Variants in CDK14 observed in about 807,000 individuals in gnomAD.
CDK14 encodes the protein cyclin-dependent kinase 14.
A neutral mutation model predicts 60.7 loss-of-function variants in CDK14; 34 were observed. That is an observed-to-expected ratio of 0.56 (90% CI 0.43 to 0.75). The LOEUF is 0.75. Ranked by LOEUF, CDK14 falls within the 30% of genes least tolerant of loss-of-function variation. The probability of loss-of-function intolerance (pLI) is 0.00; values close to 1 mark genes in which losing one functional copy is unlikely to be tolerated. For synonymous variants in CDK14, 197 were observed against 203.7 expected (o/e 0.97, Z 0.28); for missense variants, 482 against 564.1 (o/e 0.85, Z 1.47).
intron 5 of CDK14, among the ~76,000 whole-genome samples, chr7:90,794,542 C>T (rs950835420): frequency 1.3e-4 from 20 of 152,146 alleles, no homozygotes; most frequent in African/African-American, 3.1e-4. Context: ...AAGAATTCAG[C>T]GATATTTCTC....
chr7:90,711,228 C>A (rs1158964059), intron 2 of CDK14, among the ~76,000 whole-genome samples: 1 of 151,998 alleles, frequency 6.6e-6, no homozygotes, highest in African/African-American at 2.4e-5. Context: ...TGTTGTGGTT[C>A]ACTATGAGTA....
At chr7:90,677,492 T>C (rs1298380571) in intron 2 of CDK14, among the ~76,000 whole-genome samples, 1 of 152,240 alleles carries the variant, frequency 6.6e-6, no homozygotes, top group Non-Finnish European at 1.5e-5. Context: ...AGAGAGATGT[T>C]TGTAAAATCT....
intron 4 of CDK14, among the ~76,000 whole-genome samples, chr7:90,770,902 C>T (rs551041917): frequency 5.1e-4 from 78 of 152,302 alleles, no homozygotes; most frequent in African/African-American, 1.7e-3. Context: ...CTTAAGTAGG[C>T]GTCACCCTTG....
chr7:90,785,994 C>T lies in CDK14; in HGVS notation c.465-4579C>T, dbSNP rs114668228. On this transcript the variant is annotated intron_variant, in intron 4 of 14. Transcript: ENST00000380050. ...ACCTGGCTACCCAGTATCCCCATGTCCTGTGCATGGAGATATTCTCCCCAC... is the reference window on the plus strand; with the variant it reads ...ACCTGGCTACCCAGTATCCCCATGTTCTGTGCATGGAGATATTCTCCCCAC... Among the ~76,000 whole-genome samples, 1,022 of 152,270 alleles carry T rather than the reference C, an allele frequency of 6.7e-3. 18 individuals carry two copies. The highest frequency in any genetic ancestry group is 0.024 in the African/African-American group (989 of 41,538).
intron 12 of CDK14, among the ~76,000 whole-genome samples, chr7:91,092,894 C>T (rs755209983): frequency 6.6e-6 from 1 of 152,102 alleles, no homozygotes; most frequent in Non-Finnish European, 1.5e-5. Flanking sequence ...AAAGAATATC[C>T]GTTGAAAGAA....
chr7:91,077,099 G>A (rs1231157228), intron 11 of CDK14, among the ~76,000 whole-genome samples: 1 of 152,152 alleles, frequency 6.6e-6, no homozygotes, highest in Non-Finnish European at 1.5e-5. Flanking sequence ...GATTCCTCAA[G>A]GATCTAGAAC....
At chr7:91,057,107 G>A (rs1270739839) in intron 11 of CDK14, among the ~76,000 whole-genome samples, 4 of 152,130 alleles carry the variant, frequency 2.6e-5, no homozygotes, top group Non-Finnish European at 5.9e-5. Context: ...CATTCTAACT[G>A]GTGTGAGATG....
At chr7:91,184,081 C>T (rs1278390312) in intron 14 of CDK14, among the ~76,000 whole-genome samples, 1 of 151,564 alleles carries the variant, frequency 6.6e-6, no homozygotes, top group East Asian at 1.9e-4. Flanking sequence ...TTTTAATAGA[C>T]ATAATCCCAG....
In CDK14 at chr7:90,812,637, T is replaced by C. The variant is rs143314014; in HGVS notation, c.544+21985T>C. 4.9e-3 allele frequency among the ~76,000 whole-genome samples: 745 copies of C among 152,036 alleles called. 3 individuals are homozygous for C. Among genetic ancestry groups the C allele is most frequent in the African/African-American group, 0.016 (673 of 41,484 alleles). ...TATAATAATAATAAAAAAAGAAATA[T>C]ATGAATGGCTAATAAGACCATGCAA... On this transcript the variant is annotated intron_variant, in intron 5 of 14. Coordinates refer to ENST00000380050, the MANE Select transcript of CDK14 (RefSeq NM_001287135.2).
At chr7:90,806,924 G>A (rs1333495195) in intron 5 of CDK14, among the ~76,000 whole-genome samples, 1 of 152,216 alleles carries the variant, frequency 6.6e-6, no homozygotes, top group Non-Finnish European at 1.5e-5. Context: ...TGGGGGAGGG[G>A]CACCCGCCAT....
intron 14 of CDK14, among the ~76,000 whole-genome samples, chr7:91,136,433 A>G (rs1276247789): frequency 6.6e-6 from 1 of 152,204 alleles, no homozygotes; most frequent in African/African-American, 2.4e-5. Context: ...AGTATGTACT[A>G]AAAACATAGA....
chr7:91,167,676 T>C (rs1264818273), intron 14 of CDK14, among the ~76,000 whole-genome samples: 3 of 152,172 alleles, frequency 2.0e-5, no homozygotes, highest in Non-Finnish European at 4.4e-5. Flanking sequence ...CCCCAAATAA[T>C]AGATGGCTTC....
chr7:90,875,468 A>G (rs751617739), intron 6 of CDK14, among the ~76,000 whole-genome samples: 1 of 151,902 alleles, frequency 6.6e-6, no homozygotes, highest in African/African-American at 2.4e-5. Context: ...TTACAATCCA[A>G]CCAGCAGTGT....
chr7:91,010,399 A>G (rs1796117178), intron 10 of CDK14, among the ~76,000 whole-genome samples: 1 of 152,094 alleles, frequency 6.6e-6, no homozygotes, highest in Non-Finnish European at 1.5e-5. Flanking sequence ...CTATGAACAT[A>G]GTGTATCTCT....
intron 10 of CDK14, among the ~76,000 whole-genome samples, chr7:91,038,539 T>G (rs995445266): frequency 1.3e-5 from 2 of 152,224 alleles, no homozygotes; most frequent in Non-Finnish European, 2.9e-5. Flanking sequence ...TGCCCCAATA[T>G]GCAGGGGCTT....
chr7:90,633,499 A>G (rs912902436), intron 2 of CDK14, among the ~76,000 whole-genome samples: 71 of 152,342 alleles, frequency 4.7e-4, no homozygotes, highest in African/African-American at 1.2e-3. Flanking sequence ...TTAAGGCCCA[A>G]TTAATACAAA....
rs1803651209 is a variant in CDK14, at chr7:90,747,722, G to T, written c.411G>T (p.Lys137Asn). The T allele has an allele frequency of 6.3e-7, 1 of 1,597,896 alleles. No homozygotes were observed. The highest frequency in any genetic ancestry group is 8.5e-7 in the Non-Finnish European group (1 of 1,174,760). Residue 137 changes from lysine (K) to asparagine (N), a missense_variant, in exon 4 of 15, where the codon AAG (lysine) becomes AAT (asparagine). By Grantham distance (94) the Lys-to-Asn change is moderately conservative (BLOSUM62 0). Coordinates refer to ENST00000380050, the MANE Select transcript of CDK14 (RefSeq NM_001287135.2). ...PKFGKADSYEKLEKLGEGSYA... is the reference protein window; with the variant it reads ...PKFGKADSYENLEKLGEGSYA... Reference sequence around the variant, plus strand: ...TTGGAAAAGCTGACTCATATGAAAAGCTGGAAAAACTAGGGGAAGGATCTT... The same window carrying T: ...TTGGAAAAGCTGACTCATATGAAAATCTGGAAAAACTAGGGGAAGGATCTT...
intron 2 of CDK14, among the ~76,000 whole-genome samples, chr7:90,606,389 A>C (rs1042162976): frequency 3.3e-5 from 5 of 152,238 alleles, no homozygotes; most frequent in Non-Finnish European, 5.9e-5. Flanking sequence ...AAATAAGGTA[A>C]TGCATATGAA....
intron 2 of CDK14, among the ~76,000 whole-genome samples, chr7:90,657,253 C>T (rs1229357272): frequency 6.6e-6 from 1 of 152,160 alleles, no homozygotes; most frequent in East Asian, 1.9e-4. Context: ...AAATCATTCA[C>T]TGTGATAAGG....
Sources: allele counts gnomAD v4.1 joint callset (sites outside exome capture counted in the v4.1 genomes callset), GRCh38; gene constraint gnomAD v4.1.1; transcripts MANE v1.5; gene names NCBI Gene and HGNC (gene_info 2026-07-23, HGNC 2026-07-21).